Variants in LINGO2 observed in about 807,000 individuals in gnomAD.
The protein encoded by LINGO2 is leucine-rich repeat and immunoglobulin-like domain-containing nogo receptor-interacting protein 2.
LINGO2 carries 14 observed loss-of-function variants against 30.6 expected under a neutral mutation model. The ratio of observed to expected loss-of-function variants is 0.46; its 90% CI spans 0.30 to 0.72. The LOEUF (loss-of-function observed/expected upper bound fraction) is 0.72. Ranked by LOEUF, LINGO2 falls within the 30% of genes least tolerant of loss-of-function variation. The pLI is 0.07. For missense variants in LINGO2, 729 were observed against 751.7 expected (o/e 0.97, Z 0.35); for synonymous variants, 317 against 288.5 (o/e 1.10, Z -1.00).
chr9:28,083,336 C>T (rs117605685), intron 4 of LINGO2, among the ~76,000 whole-genome samples: 8,241 of 152,194 alleles, frequency 0.054, 273 homozygotes, highest in Non-Finnish European at 0.081. Flanking sequence ...TCAGTCTTCT[C>T]ACCTGGCTCT....
At chr9:29,174,462 A>G in the LINGO2 span, among the ~76,000 whole-genome samples, 79 of 152,372 alleles carry the variant, frequency 5.2e-4, no homozygotes, top group African/African-American at 1.9e-3. Context: ...ATATAACTCT[A>G]TGAATAGCAT....
chr9:28,317,582 G>T (rs1824889003), intron 3 of LINGO2, among the ~76,000 whole-genome samples: 1 of 152,084 alleles, frequency 6.6e-6, no homozygotes, highest in African/African-American at 2.4e-5. Flanking sequence ...GATTATAATT[G>T]AAACTTGAAT....
the LINGO2 span, among the ~76,000 whole-genome samples, chr9:29,031,768 A>G: frequency 6.6e-6 from 1 of 152,214 alleles, no homozygotes; most frequent in African/African-American, 2.4e-5. Flanking sequence ...TCCGATAAGT[A>G]TGAAACTCTA....
At chr9:29,067,681 T>C in the LINGO2 span, among the ~76,000 whole-genome samples, 1 of 147,812 alleles carries the variant, frequency 6.8e-6, no homozygotes, top group Admixed American at 6.8e-5. Flanking sequence ...CATAGTCAAA[T>C]AATTCAAGAG....
At chr9:28,135,288 G>C (rs921967067) in intron 4 of LINGO2, among the ~76,000 whole-genome samples, 8 of 151,956 alleles carry the variant, frequency 5.3e-5, no homozygotes, top group Non-Finnish European at 1.2e-4. Context: ...CTGGATGAAA[G>C]AAGATGAAAT....
chr9:28,946,794 T>C, the LINGO2 span, among the ~76,000 whole-genome samples: 1 of 152,086 alleles, frequency 6.6e-6, no homozygotes, highest in African/African-American at 2.4e-5. Context: ...GAAGCAAGAC[T>C]ATAGGCATGA....
chr9:28,354,027 A>G (rs10968531), intron 3 of LINGO2, among the ~76,000 whole-genome samples: 33,973 of 152,050 alleles, frequency 0.22, 3,947 homozygotes, highest in Middle Eastern at 0.41. Flanking sequence ...GGGCAGGGAT[A>G]GCATCGGGAG....
chr9:28,166,709 C>A (rs372646765), intron 4 of LINGO2, among the ~76,000 whole-genome samples: 12 of 151,360 alleles, frequency 7.9e-5, no homozygotes, highest in African/African-American at 2.9e-4. Context: ...TTTCTTTAAC[C>A]AATAACATTA....
chr9:29,052,300 C>T, the LINGO2 span, among the ~76,000 whole-genome samples: 3 of 152,234 alleles, frequency 2.0e-5, no homozygotes, highest in South Asian at 6.2e-4. Flanking sequence ...TGTTACTAAG[C>T]ACTTCTATAC....
At chr9:28,569,291 C>T (rs1402794) in intron 1 of LINGO2, among the ~76,000 whole-genome samples, 67,540 of 151,648 alleles carry the variant, frequency 0.45, 15,559 homozygotes, top group East Asian at 0.66. Flanking sequence ...TCTGGGTATA[C>T]AGCCAAAGGA....
intron 4 of LINGO2, among the ~76,000 whole-genome samples, chr9:28,072,511 C>T (rs1387919102): frequency 6.6e-6 from 1 of 152,186 alleles, no homozygotes; most frequent in Admixed American, 6.5e-5. Flanking sequence ...TAGACTAGAC[C>T]TGTCAGGCCA....
chr9:29,024,986 T>C, the LINGO2 span, among the ~76,000 whole-genome samples: 1 of 151,924 alleles, frequency 6.6e-6, no homozygotes, highest in African/African-American at 2.4e-5. Flanking sequence ...ATATTGTTTA[T>C]CAAAAAAGAA....
the LINGO2 span, among the ~76,000 whole-genome samples, chr9:29,110,388 A>G: frequency 6.6e-6 from 1 of 152,116 alleles, no homozygotes; most frequent in Non-Finnish European, 1.5e-5. Flanking sequence ...GCTGGAGTGC[A>G]GTGATTCGAT....
At chr9:28,335,742 G>A (rs1825568840) in intron 3 of LINGO2, among the ~76,000 whole-genome samples, 2 of 152,074 alleles carry the variant, frequency 1.3e-5, no homozygotes. Flanking sequence ...AATAACCACT[G>A]ACATTTTTGA....
At chr9:28,450,448 A>G (rs1824604715) in intron 2 of LINGO2, among the ~76,000 whole-genome samples, 1 of 152,076 alleles carries the variant, frequency 6.6e-6, no homozygotes, top group Non-Finnish European at 1.5e-5. Flanking sequence ...GCAGTTTTGG[A>G]GGAGGCCAAG....
intron 4 of LINGO2, among the ~76,000 whole-genome samples, chr9:28,080,335 C>G (rs1047223411): frequency 6.6e-6 from 1 of 152,134 alleles, no homozygotes; most frequent in Admixed American, 6.6e-5. Context: ...CTTCTTCTGT[C>G]GCTCTTTTAC....
At chr9:28,057,952 T>C (rs1025959655) in intron 4 of LINGO2, among the ~76,000 whole-genome samples, 2 of 152,102 alleles carry the variant, frequency 1.3e-5, no homozygotes, top group Non-Finnish European at 2.9e-5. Context: ...GCATGATAAA[T>C]AATAGCTTTT....
At chr9:28,041,762 CAT>C (rs1385576807) in intron 4 of LINGO2, among the ~76,000 whole-genome samples, 1 of 152,158 alleles carries the variant, frequency 6.6e-6, no homozygotes, top group Non-Finnish European at 1.5e-5. Flanking sequence ...TTATAATTTA[CAT>C]ATATTTTCCT....
chr9:28,986,366 A>G, the LINGO2 span, among the ~76,000 whole-genome samples: 1 of 151,976 alleles, frequency 6.6e-6, no homozygotes, highest in African/African-American at 2.4e-5. Flanking sequence ...AAGGTTTTTG[A>G]GAATTCCAAA....
Sources: allele counts gnomAD v4.1 joint callset (sites outside exome capture counted in the v4.1 genomes callset), GRCh38; gene constraint gnomAD v4.1.1; transcripts MANE v1.5; gene names NCBI Gene and HGNC (gene_info 2026-07-23, HGNC 2026-07-21).